BCKDHB: variants seen among roughly 807,000 people sequenced by gnomAD.
BCKDHB encodes 2-oxoisovalerate dehydrogenase subunit beta, mitochondrial.
BCKDHB carries 41 observed loss-of-function variants against 48.5 expected under a neutral mutation model. That is an observed-to-expected ratio of 0.85 (90% CI 0.66 to 1.10). The LOEUF (loss-of-function observed/expected upper bound fraction) is 1.10, where lower values mean the gene tolerates loss of function less well. Ranked by LOEUF, BCKDHB falls within the 50% of genes least tolerant of loss-of-function variation. The pLI, the probability that BCKDHB is intolerant of heterozygous loss-of-function variation, is 0.00. For synonymous variants in BCKDHB, 201 were observed against 174.8 expected (o/e 1.15, Z -1.18); for missense variants, 496 against 494.2 (o/e 1.00, Z -0.03).
the BCKDHB span, chr6:80,465,637 A>G: frequency 3.3e-5 from 5 of 152,364 alleles, no homozygotes; most frequent in East Asian, 9.6e-4. Flanking sequence ...GGCAAAGCAC[A>G]TCATGTAAAC....
the BCKDHB span, among the ~76,000 whole-genome samples, chr6:80,367,028 CT>C: frequency 6.6e-6 from 1 of 152,184 alleles, no homozygotes; most frequent in Non-Finnish European, 1.5e-5. Flanking sequence ...CTCTTAAACA[CT>C]TATCCTGTGA....
At chr6:80,199,771 CAAAAAAAAAAAAAAA>C (rs35186066) in intron 6 of BCKDHB, among the ~76,000 whole-genome samples, 1 of 35,742 alleles carries the variant, frequency 2.8e-5, no homozygotes, top group Non-Finnish European at 4.7e-5. Flanking sequence ...GACTCTGTCT[CAAAAAAAAAAAAAAA>C]AAAAAAAAAA....
intron 9 of BCKDHB, among the ~76,000 whole-genome samples, chr6:80,331,995 C>T (rs1371672463): frequency 3.3e-5 from 5 of 152,134 alleles, no homozygotes; most frequent in African/African-American, 9.7e-5. Context: ...ATTTAATGCA[C>T]CATAAACCCA....
intron 8 of BCKDHB, among the ~76,000 whole-genome samples, chr6:80,216,083 A>C (rs1378226324): frequency 6.6e-6 from 1 of 152,188 alleles, no homozygotes; most frequent in Non-Finnish European, 1.5e-5. Flanking sequence ...TAAATGGTAA[A>C]TTAAAAAAGT....
the BCKDHB span, among the ~76,000 whole-genome samples, chr6:80,403,782 C>T: frequency 2.0e-5 from 3 of 151,900 alleles, no homozygotes; most frequent in African/African-American, 7.2e-5. Context: ...GAGTTTTTGT[C>T]ATGAAAGTTG....
At chr6:80,298,715 CAG>C (rs1206972563) in intron 9 of BCKDHB, among the ~76,000 whole-genome samples, 1 of 152,136 alleles carries the variant, frequency 6.6e-6, no homozygotes, top group African/African-American at 2.4e-5. Flanking sequence ...CCCTAAGTAA[CAG>C]AGAAGATTGG....
intron 9 of BCKDHB, among the ~76,000 whole-genome samples, chr6:80,279,793 T>C (rs921897173): frequency 6.6e-6 from 1 of 152,162 alleles, no homozygotes; most frequent in African/African-American, 2.4e-5. Context: ...CAAGAATTGG[T>C]GTCCTTGTTT....
At chr6:80,149,464 A>G (rs936500969) in intron 3 of BCKDHB, among the ~76,000 whole-genome samples, 11 of 152,290 alleles carry the variant, frequency 7.2e-5, no homozygotes, top group East Asian at 5.8e-4. Context: ...CCATCCCATT[A>G]CTGGGTATAT....
intron 3 of BCKDHB, among the ~76,000 whole-genome samples, chr6:80,158,016 C>T (rs117148020): frequency 5.9e-5 from 9 of 152,222 alleles, no homozygotes; most frequent in Admixed American, 2.6e-4. Flanking sequence ...TTCATTCAAA[C>T]GATATTACTG....
Position 80,306,917 on chromosome 6 carries a change from A to T in BCKDHB, c.1038+33696A>T, listed in dbSNP as rs1339323237. ...AAGCAAGTGACTGGTACATGTAAAG[A>T]ACAATACAGTCCTAGATGGTGGTTA... On this transcript the variant is annotated intron_variant, in intron 9 of 9. Coordinates refer to ENST00000320393, the MANE Select transcript of BCKDHB (RefSeq NM_183050.4). 2.6e-5 allele frequency among the ~76,000 whole-genome samples: 4 copies of T among 152,186 alleles called. No individual in the cohort carries two copies. In the East Asian group the frequency reaches 7.7e-4, roughly 29 times the overall value.
At chr6:80,352,303 A>G in the BCKDHB span, among the ~76,000 whole-genome samples, 3 of 152,056 alleles carry the variant, frequency 2.0e-5, no homozygotes, top group Non-Finnish European at 4.4e-5. Flanking sequence ...GGAGGGATTT[A>G]TGGCCACCTT....
intron 3 of BCKDHB, among the ~76,000 whole-genome samples, chr6:80,130,911 C>G (rs1001486370): frequency 1.3e-5 from 2 of 152,128 alleles, no homozygotes; most frequent in Non-Finnish European, 2.9e-5. Flanking sequence ...CTCACAATTC[C>G]ATCTTGCCTG....
chr6:80,200,953 A>G lies in BCKDHB; in HGVS notation c.762A>G (p.Glu254=). The G allele has an allele frequency of 6.2e-7, 1 of 1,612,118 alleles. No individual in the cohort carries two copies. Among genetic ancestry groups the G allele is most frequent in the Non-Finnish European group, 8.5e-7 (1 of 1,178,422 alleles). Residue 254 remains glutamate, a synonymous_variant, in exon 7 of 10, where the codon GAA becomes GAG. Coordinates refer to ENST00000320393, the MANE Select transcript of BCKDHB (RefSeq NM_183050.4). ...YRAAAEEVPI[E]PYNIPLSQAE... The stretch of plus-strand genomic sequence containing the variant: ...ATTTAGCGGAAGAAGTCCCTATAGA[A>G]CCATACAACATCCCACTGTCCCAGG...
At chr6:80,132,907 T>G (rs994194667) in intron 3 of BCKDHB, among the ~76,000 whole-genome samples, 1 of 152,228 alleles carries the variant, frequency 6.6e-6, no homozygotes, top group South Asian at 2.1e-4. Context: ...ATCTGCCCTT[T>G]TGAATATAGG....
the BCKDHB span, among the ~76,000 whole-genome samples, chr6:80,384,468 C>T: frequency 1.3e-5 from 2 of 152,194 alleles, no homozygotes; most frequent in East Asian, 1.9e-4. Flanking sequence ...AAGCAATTCT[C>T]CTGACTCAGC....
intron 9 of BCKDHB, among the ~76,000 whole-genome samples, chr6:80,309,077 T>G (rs150179391): frequency 1.9e-3 from 288 of 151,990 alleles, no homozygotes; most frequent in African/African-American, 6.5e-3. Context: ...TTTGTTTTTT[T>G]TTTTAGACGG....
rs111691261 is a variant in BCKDHB, at chr6:80,196,200, G to A, written c.743-4734G>A. Among the ~76,000 whole-genome samples the A allele has an allele frequency of 1.3e-3, 199 of 152,176 alleles. 1 individual carries two copies. Among genetic ancestry groups the A allele is most frequent in the South Asian group, 3.5e-3 (17 of 4,820 alleles). ...TTGGAAAGTGCTATCTAGGGACTTA[G>A]GAATATAATTTATAAGTTTCAGTAT... On this transcript the variant is annotated intron_variant, in intron 6 of 9. Coordinates refer to ENST00000320393, the MANE Select transcript of BCKDHB (RefSeq NM_183050.4).
chr6:80,177,004 C>T lies in BCKDHB; in HGVS notation c.742+5614C>T, dbSNP rs910348420. On this transcript the variant is annotated intron_variant, in intron 6 of 9. Coordinates refer to ENST00000320393, the MANE Select transcript of BCKDHB (RefSeq NM_183050.4). Reference sequence around the variant, plus strand: ...CTTTGGGAGGCTGAGGTGGGAGGATCGCTTGAGCCCAGGAGTTTGAGACCA... The same window carrying T: ...CTTTGGGAGGCTGAGGTGGGAGGATTGCTTGAGCCCAGGAGTTTGAGACCA... Among the ~76,000 whole-genome samples, 41 of 152,006 alleles carry T rather than the reference C, an allele frequency of 2.7e-4. No individual in the cohort carries two copies. In the Middle Eastern group the frequency reaches 0.01, roughly 38 times the overall value.
intron 3 of BCKDHB, among the ~76,000 whole-genome samples, chr6:80,144,531 G>A (rs1230706783): frequency 6.6e-6 from 1 of 152,126 alleles, no homozygotes; most frequent in Non-Finnish European, 1.5e-5. Flanking sequence ...GGTGAATCGG[G>A]AGGGGAACCT....
Sources: gnomAD v4.1 joint callset for allele counts (sites outside exome capture counted in the v4.1 genomes callset) on GRCh38, gnomAD v4.1.1 for gene constraint, MANE v1.5 for transcripts, NCBI Gene and HGNC (gene_info 2026-07-23, HGNC 2026-07-21) for gene names.